Variants in KPNA1 observed in about 807,000 individuals in gnomAD.
KPNA1 encodes the protein importin subunit alpha-5.
Under a neutral mutation model 70.5 loss-of-function variants are expected in KPNA1, and 10 were observed. The observed-to-expected ratio is 0.14, with a 90% CI of 0.09 to 0.24. The LOEUF (loss-of-function observed/expected upper bound fraction) is 0.24. Among genes scored for constraint, KPNA1 ranks in the 10% least tolerant of loss-of-function variants. The probability of loss-of-function intolerance (pLI) is 1.00; values close to 1 mark genes in which losing one functional copy is unlikely to be tolerated. For missense variants in KPNA1, 397 were observed against 637.9 expected, an observed-to-expected ratio of 0.62 and a Z score of 4.07; for synonymous variants, 192 against 221.9, an observed-to-expected ratio of 0.87 and a Z score of 1.20.
intron 10 of KPNA1, among the ~76,000 whole-genome samples, chr3:122,439,594 T>G (rs771967034): frequency 2.0e-5 from 3 of 152,208 alleles, no homozygotes; most frequent in Non-Finnish European, 2.9e-5. Context: ...CTTTCAAGTT[T>G]CTTTATCTTA....
At chr3:122,459,418 G>A in intron 5 of KPNA1, 1 of 985,128 alleles carries the variant, frequency 1.0e-6, no homozygotes, top group Non-Finnish European at 1.2e-6. Context: ...TTTTCAGCAT[G>A]AACAAAATAA....
In KPNA1 at chr3:122,426,931, G is replaced by T; in HGVS notation, c.*54C>A. On this transcript the variant is annotated 3_prime_UTR_variant, in exon 14 of 14. Coordinates refer to ENST00000344337, the MANE Select transcript of KPNA1 (RefSeq NM_002264.4). The stretch of plus-strand genomic sequence containing the variant: ...CATGAGGACTGTGGGCTCCACAAGA[G>T]GACTCGACTGGGTAGCCTGGTCTGA... 7.0e-7 allele frequency: 1 copy of T among 1,434,332 alleles called. No individual in the cohort carries two copies. The highest frequency in any genetic ancestry group is 1.9e-4 in the Middle Eastern group (1 of 5,132). The allele number at this position is 1,434,332 out of a possible 1,614,324, so 88.9% of individuals were successfully genotyped here.
chr3:122,452,862 AGAGT>A (rs1470074069), intron 6 of KPNA1, among the ~76,000 whole-genome samples: 30 of 152,064 alleles, frequency 2.0e-4, no homozygotes, highest in Middle Eastern at 3.4e-3. Context: ...AGACAGAAAG[AGAGT>A]ATTTTCTTGC....
intron 9 of KPNA1, among the ~76,000 whole-genome samples, chr3:122,449,080 TTTTCTTCTGTAGTA>T (rs775290857): frequency 2.0e-5 from 3 of 152,260 alleles, no homozygotes; most frequent in Non-Finnish European, 4.4e-5. Context: ...ACTTTCATTT[TTTTCTTCTGTAGTA>T]TCTAAAAATT....
chr3:122,445,096 C>G (rs759036854), intron 9 of KPNA1, among the ~76,000 whole-genome samples: 1 of 152,156 alleles, frequency 6.6e-6, no homozygotes, highest in Non-Finnish European at 1.5e-5. Flanking sequence ...TCGGTAATAA[C>G]TAACTTCTCT....
At chr3:122,439,136 A>G (rs2076029562) in intron 10 of KPNA1, among the ~76,000 whole-genome samples, 1 of 152,218 alleles carries the variant, frequency 6.6e-6, no homozygotes, top group Admixed American at 6.5e-5. Flanking sequence ...TAGAAATGAA[A>G]AAATGCAGAG....
In KPNA1 at chr3:122,422,062, T is replaced by G. The variant is rs1465935742; in HGVS notation, c.*4923A>C. 6.6e-6 allele frequency: 1 copy of G among 152,218 alleles called. No individual in the cohort carries two copies. The highest frequency in any genetic ancestry group is 1.5e-5 in the Non-Finnish European group (1 of 68,044). 9.4% of individuals were successfully genotyped at this position (152,218 alleles called of 1,614,324 possible). On this transcript the variant is annotated 3_prime_UTR_variant, in exon 14 of 14. Coordinates refer to ENST00000344337, the MANE Select transcript of KPNA1 (RefSeq NM_002264.4). ...ATTAGAGCCATTCCAAATCTAAGTG[T>G]CAGAACACTTTGAAGCAGGATGTAG...
At chr3:122,471,798 A>T (rs1013803934) in intron 2 of KPNA1, among the ~76,000 whole-genome samples, 4 of 152,250 alleles carry the variant, frequency 2.6e-5, no homozygotes, top group African/African-American at 9.6e-5. Flanking sequence ...GTCTCAAAAA[A>T]AGAAAGCGGA....
chr3:122,443,984 G>A (rs2076100658), intron 9 of KPNA1, among the ~76,000 whole-genome samples: 1 of 152,188 alleles, frequency 6.6e-6, no homozygotes, highest in South Asian at 2.1e-4. Flanking sequence ...ATCCTAGCAA[G>A]CCTGAGGGCA....
At chr3:122,461,394 A>G in intron 4 of KPNA1, 76 bp from the exon 5 acceptor site, 1 of 864,546 alleles carries the variant, frequency 1.2e-6, no homozygotes, top group Non-Finnish European at 1.9e-6. Context: ...AAAACTTCTT[A>G]ACATCCCTCC....
intron 2 of KPNA1, among the ~76,000 whole-genome samples, chr3:122,476,953 AGTAT>A (rs1302495481): frequency 6.6e-6 from 1 of 151,960 alleles, no homozygotes; most frequent in Non-Finnish European, 1.5e-5. Flanking sequence ...AAAGGAAGTC[AGTAT>A]GTCAAAGAGA....
At chr3:122,448,868 A>G (rs2076169205) in intron 9 of KPNA1, among the ~76,000 whole-genome samples, 1 of 152,232 alleles carries the variant, frequency 6.6e-6, no homozygotes, top group Non-Finnish European at 1.5e-5. Flanking sequence ...TCATACTGCC[A>G]TTAATTCACA....
intron 6 of KPNA1, among the ~76,000 whole-genome samples, chr3:122,452,821 CAGAA>C (rs931538509): frequency 4.4e-4 from 66 of 151,370 alleles, no homozygotes; most frequent in African/African-American, 1.3e-3. Context: ...GATGGAGAGA[CAGAA>C]AGAGAGAAAG....
At chr3:122,495,832 A>G (rs1402663921) in intron 2 of KPNA1, among the ~76,000 whole-genome samples, 1 of 152,148 alleles carries the variant, frequency 6.6e-6, no homozygotes, top group Non-Finnish European at 1.5e-5. Flanking sequence ...AGGCTTAAAA[A>G]AAAAAAATCA....
intron 2 of KPNA1, among the ~76,000 whole-genome samples, chr3:122,480,198 T>C (rs565034005): frequency 6.6e-6 from 1 of 152,338 alleles, no homozygotes; most frequent in African/African-American, 2.4e-5. Context: ...CACAGAATTT[T>C]AGCACAGGGA....
At chr3:122,429,692 C>A (rs976426939) in intron 12 of KPNA1, among the ~76,000 whole-genome samples, 15 of 152,022 alleles carry the variant, frequency 9.9e-5, no homozygotes, top group African/African-American at 3.4e-4. Context: ...TTAATAGATA[C>A]CAACAAACTG....
intron 2 of KPNA1, among the ~76,000 whole-genome samples, chr3:122,493,951 G>C (rs1345249126): frequency 1.3e-5 from 2 of 152,024 alleles, no homozygotes; most frequent in African/African-American, 4.8e-5. Context: ...ATGGCCACTT[G>C]TATGTCTTCT....
At chr3:122,502,512 T>C (rs1017324678) in intron 1 of KPNA1, among the ~76,000 whole-genome samples, 3 of 152,222 alleles carry the variant, frequency 2.0e-5, no homozygotes, top group African/African-American at 4.8e-5. Flanking sequence ...TGCTGGCACC[T>C]TGATCTGGAA....
At chr3:122,468,111 C>T (rs1448744599) in intron 2 of KPNA1, among the ~76,000 whole-genome samples, 2 of 152,168 alleles carry the variant, frequency 1.3e-5, no homozygotes, top group Admixed American at 1.3e-4. Context: ...AGACAAAATA[C>T]ATAAAATAAT....
Sources: allele counts gnomAD v4.1 joint callset (sites outside exome capture counted in the v4.1 genomes callset), GRCh38; gene constraint gnomAD v4.1.1; transcripts MANE v1.5; gene names NCBI Gene and HGNC (gene_info 2026-07-23, HGNC 2026-07-21).